Variants in EXOC6 observed in about 807,000 individuals in gnomAD.
The protein encoded by EXOC6 is exocyst complex component 6.
In EXOC6, 60 loss-of-function variants were observed where a neutral mutation model predicts 112.5. The ratio of observed to expected loss-of-function variants is 0.53; its 90% CI spans 0.43 to 0.66. The LOEUF (loss-of-function observed/expected upper bound fraction) is 0.66, where lower values mean the gene tolerates loss of function less well. Ranked by LOEUF, EXOC6 falls within the 30% of genes least tolerant of loss-of-function variation. The probability of loss-of-function intolerance (pLI) is 0.00; values close to 1 mark genes in which losing one functional copy is unlikely to be tolerated. For synonymous variants in EXOC6, 295 were observed against 308.0 expected, an observed-to-expected ratio of 0.96 and a Z score of 0.44; for missense variants, 855 against 957.1, an observed-to-expected ratio of 0.89 and a Z score of 1.41.
chr10:93,049,518 A>G (rs1846180458), intron 20 of EXOC6, among the ~76,000 whole-genome samples: 1 of 152,232 alleles, frequency 6.6e-6, no homozygotes, highest in Non-Finnish European at 1.5e-5. Context: ...TGAAAATATT[A>G]TGCTTAAGTG....
At chr10:92,973,560 GTTTC>G (rs769351834) in intron 17 of EXOC6, among the ~76,000 whole-genome samples, 12 of 152,144 alleles carry the variant, frequency 7.9e-5, no homozygotes, top group Non-Finnish European at 1.8e-4. Context: ...CACTCCTATT[GTTTC>G]TTTCTTCTCA....
At chr10:92,930,943 C>T (rs2133943404) in intron 9 of EXOC6, among the ~76,000 whole-genome samples, 1 of 151,940 alleles carries the variant, frequency 6.6e-6, no homozygotes, top group East Asian at 1.9e-4. Flanking sequence ...GAAACCCCGT[C>T]TCTACTAAAA....
chr10:92,940,910 T>A (rs2133973979), intron 13 of EXOC6, 86 bp downstream of exon 13: 2 of 863,692 alleles, frequency 2.3e-6, no homozygotes, highest in Non-Finnish European at 3.7e-6. Flanking sequence ...ATAAAAATGC[T>A]TATAATCATT....
chr10:92,888,076 C>G (rs1019076742), intron 1 of EXOC6, among the ~76,000 whole-genome samples: 12 of 152,232 alleles, frequency 7.9e-5, no homozygotes, highest in African/African-American at 2.9e-4. Flanking sequence ...TCAAGACCTA[C>G]TCTTCTCATT....
At chr10:92,935,449 G>T (rs1390557213) in intron 11 of EXOC6, among the ~76,000 whole-genome samples, 1 of 152,008 alleles carries the variant, frequency 6.6e-6, no homozygotes, top group Non-Finnish European at 1.5e-5. Flanking sequence ...TAATGAAATT[G>T]TAATTCTTAT....
At chr10:93,028,104 C>T (rs756051694) in intron 20 of EXOC6, among the ~76,000 whole-genome samples, 1 of 151,982 alleles carries the variant, frequency 6.6e-6, no homozygotes, top group African/African-American at 2.4e-5. Flanking sequence ...TGAGACCAAC[C>T]TGGACAACAT....
At chr10:93,049,476 A>G (rs947915822) in intron 20 of EXOC6, among the ~76,000 whole-genome samples, 1 of 152,264 alleles carries the variant, frequency 6.6e-6, no homozygotes, top group Non-Finnish European at 1.5e-5. Flanking sequence ...AAAGGAATGA[A>G]GTAATAATGC....
At chr10:93,046,029 A>AT (rs1401298828) in intron 20 of EXOC6, among the ~76,000 whole-genome samples, 1 of 152,262 alleles carries the variant, frequency 6.6e-6, no homozygotes, top group African/African-American at 2.4e-5. Flanking sequence ...CAAGTAAATG[A>AT]TAACATAGCC....
intron 1 of EXOC6, among the ~76,000 whole-genome samples, chr10:92,874,345 G>A (rs1461040246): frequency 6.6e-6 from 1 of 152,146 alleles, no homozygotes; most frequent in Non-Finnish European, 1.5e-5. Flanking sequence ...TTCATCAGGA[G>A]TCTAGTAACG....
intron 9 of EXOC6, among the ~76,000 whole-genome samples, chr10:92,930,336 C>G (rs1851956785): frequency 6.6e-6 from 1 of 152,004 alleles, no homozygotes; most frequent in African/African-American, 2.4e-5. Context: ...AACCCCATCT[C>G]TACTAAAAAT....
chr10:93,002,194 G>C (rs1648830974), intron 19 of EXOC6, among the ~76,000 whole-genome samples: 1 of 151,848 alleles, frequency 6.6e-6, no homozygotes, highest in African/African-American at 2.4e-5. Context: ...ATATATATGT[G>C]GTTGGTTTTT....
intron 19 of EXOC6, among the ~76,000 whole-genome samples, chr10:93,008,961 T>C (rs1189454633): frequency 6.6e-6 from 1 of 152,216 alleles, no homozygotes; most frequent in East Asian, 1.9e-4. Context: ...GCCTCATACC[T>C]GTAATCTCAG....
At chr10:92,842,767 ATAT>A (rs1240209297) in intron 1 of EXOC6, among the ~76,000 whole-genome samples, 1 of 151,994 alleles carries the variant, frequency 6.6e-6, no homozygotes, top group Non-Finnish European at 1.5e-5. Flanking sequence ...AGAGAAAATG[ATAT>A]TGTTCTTTAA....
At chr10:92,934,059 G>A (rs940568149) in intron 9 of EXOC6, 85 bp from the exon 10 acceptor site, 2 of 784,206 alleles carry the variant, frequency 2.6e-6, no homozygotes, top group Non-Finnish European at 2.1e-6. Flanking sequence ...ATAAATATTT[G>A]TTAATGAAGT....
chr10:92,910,062 AC>A (rs1331051662), intron 6 of EXOC6, among the ~76,000 whole-genome samples: 1 of 152,228 alleles, frequency 6.6e-6, no homozygotes, highest in East Asian at 1.9e-4. Flanking sequence ...TAATAAACGG[AC>A]AAACAATGGG....
chr10:92,838,341 G>C (rs1186486643), intron 1 of EXOC6, among the ~76,000 whole-genome samples: 1 of 152,124 alleles, frequency 6.6e-6, no homozygotes, highest in Non-Finnish European at 1.5e-5. Context: ...CTACTCCCAG[G>C]ACAAGCTTCT....
chr10:92,931,136 AAAAGG>A (rs1345937754), intron 9 of EXOC6, among the ~76,000 whole-genome samples: 4 of 151,258 alleles, frequency 2.6e-5, no homozygotes, highest in South Asian at 4.2e-4. Context: ...AAAAAAAAAA[AAAAGG>A]AAAGGAAAAG....
intron 7 of EXOC6, among the ~76,000 whole-genome samples, chr10:92,917,220 C>T (rs1851139215): frequency 6.6e-6 from 1 of 152,012 alleles, no homozygotes; most frequent in Admixed American, 6.5e-5. Context: ...CCACCTCGGC[C>T]TCCCAAAGTG....
chr10:92,925,430 G>A (rs1320063087), intron 8 of EXOC6, among the ~76,000 whole-genome samples: 1 of 152,006 alleles, frequency 6.6e-6, no homozygotes, highest in East Asian at 1.9e-4. Flanking sequence ...AAGTAGCTGG[G>A]ATTACAGGTG....
Sources: allele counts gnomAD v4.1 joint callset (sites outside exome capture counted in the v4.1 genomes callset), GRCh38; gene constraint gnomAD v4.1.1; transcripts MANE v1.5; gene names NCBI Gene and HGNC (gene_info 2026-07-23, HGNC 2026-07-21).